STK32B: variants seen among roughly 807,000 people sequenced by gnomAD.
STK32B encodes serine/threonine-protein kinase 32B.
A neutral mutation model predicts 52.6 loss-of-function variants in STK32B; 43 were observed. The ratio of observed to expected loss-of-function variants is 0.82; its 90% confidence interval spans 0.64 to 1.05. STK32B has a LOEUF of 1.05. Ranked by LOEUF, STK32B falls within the 50% of genes least tolerant of loss-of-function variation. STK32B has a pLI of 0.00. For missense variants in STK32B, 621 were observed against 534.6 expected (o/e 1.16, Z -1.59); for synonymous variants, 238 against 204.3 (o/e 1.17, Z -1.41).
chr4:5,348,403 C>T (rs899796481), intron 4 of STK32B, among the ~76,000 whole-genome samples: 1 of 152,200 alleles, frequency 6.6e-6, no homozygotes, highest in African/African-American at 2.4e-5. Flanking sequence ...TAGGGCCCAA[C>T]ACCCCTTGCG....
chr4:5,188,983 G>A (rs989998983), intron 3 of STK32B, among the ~76,000 whole-genome samples: 2 of 151,024 alleles, frequency 1.3e-5, no homozygotes, highest in Non-Finnish European at 2.9e-5. Context: ...TGCACGTTGT[G>A]CACGTGTACC....
intron 4 of STK32B, among the ~76,000 whole-genome samples, chr4:5,349,321 G>T (rs1253892168): frequency 6.6e-6 from 1 of 151,996 alleles, no homozygotes; most frequent in Non-Finnish European, 1.5e-5. Flanking sequence ...CTTCAGCAGA[G>T]CCTCCGTAAA....
rs567987001 is a variant in STK32B at position 5,341,909 on chromosome 4, A to G, written c.434+10516A>G. ...TGTGCACAACCTTCAGGTTTGTTAT[A>G]TATGTATACATGTGCCATGTTGGTG... On this transcript the variant is annotated intron_variant, in intron 4 of 11. Transcript: ENST00000282908. Among the ~76,000 whole-genome samples the G allele has an allele frequency of 2.0e-5, 3 of 152,258 alleles. No individual in the cohort carries two copies. The East Asian group carries it at 5.8e-4, about 29-fold the overall frequency.
At chr4:5,041,754 T>C in the STK32B span, among the ~76,000 whole-genome samples, 1 of 152,026 alleles carries the variant, frequency 6.6e-6, no homozygotes, top group African/African-American at 2.4e-5. Context: ...ACAACAGAAC[T>C]GGATGTGCAA....
At chr4:5,454,933 AT>A (rs1716363284) in intron 7 of STK32B, among the ~76,000 whole-genome samples, 1 of 152,134 alleles carries the variant, frequency 6.6e-6, no homozygotes, top group Admixed American at 6.5e-5. Flanking sequence ...TTGAAGAAAG[AT>A]TTTTTAAGTG....
chr4:5,451,772 C>G (rs148115860), intron 7 of STK32B, among the ~76,000 whole-genome samples: 27 of 152,272 alleles, frequency 1.8e-4, no homozygotes, highest in Admixed American at 7.2e-4. Flanking sequence ...CAAAATGACT[C>G]CAAACATTGC....
intron 3 of STK32B, among the ~76,000 whole-genome samples, chr4:5,269,988 C>T (rs1297568349): frequency 2.0e-5 from 3 of 152,082 alleles, no homozygotes; most frequent in East Asian, 1.9e-4. Flanking sequence ...AGTATATATA[C>T]AAACTGAAAG....
intron 2 of STK32B, among the ~76,000 whole-genome samples, chr4:5,154,729 G>A (rs1717654361): frequency 6.6e-6 from 1 of 152,182 alleles, no homozygotes; most frequent in African/African-American, 2.4e-5. Flanking sequence ...CCTTCTCCAT[G>A]TGACTGAGAT....
chr4:5,193,333 G>A (rs1197681558), intron 3 of STK32B, among the ~76,000 whole-genome samples: 1 of 152,192 alleles, frequency 6.6e-6, no homozygotes, highest in Non-Finnish European at 1.5e-5. Context: ...AAATGTGAAT[G>A]AAAGGGAATG....
Position 5,445,850 on chromosome 4 carries a change from A to G in STK32B, c.563-823A>G, listed in dbSNP as rs533466653. Reference sequence around the variant, plus strand: ...CCCTTCCCCACCCACAGCCCCTAGCAACTTCCAATCTGCTTTCTGTCTTGT... The same window carrying G: ...CCCTTCCCCACCCACAGCCCCTAGCGACTTCCAATCTGCTTTCTGTCTTGT... On this transcript the variant is annotated intron_variant, in intron 6 of 11. Coordinates refer to ENST00000282908, the MANE Select transcript of STK32B (RefSeq NM_018401.3). 6.2e-5 allele frequency among the ~76,000 whole-genome samples: 9 copies of G among 145,986 alleles called. No individual in the cohort carries two copies. In the East Asian group the frequency reaches 1.8e-3, roughly 29 times the overall value.
chr4:5,317,453 A>G lies in STK32B; in HGVS notation c.261-13767A>G, dbSNP rs1243993260. On this transcript the variant is annotated intron_variant, in intron 3 of 11. Coordinates refer to ENST00000282908, the MANE Select transcript of STK32B (RefSeq NM_018401.3). ...TATATATTACATATATACATAATAT[A>G]TATAATATATATGTATAATATATAT... Among the ~76,000 whole-genome samples the G allele has an allele frequency of 7.7e-5, 8 of 103,604 alleles. 1 individual carries two copies. In the East Asian group the frequency reaches 1.5e-3, roughly 20 times the overall value. 68.0% of individuals were successfully genotyped at this position (103,604 alleles called of 152,430 possible).
intron 2 of STK32B, among the ~76,000 whole-genome samples, chr4:5,166,239 T>C (rs1279061020): frequency 6.6e-6 from 1 of 151,902 alleles, no homozygotes; most frequent in African/African-American, 2.4e-5. Flanking sequence ...AAGGCCACAC[T>C]GTGGGTGAAA....
At position 5,058,098 on chromosome 4, in the gene STK32B, AC is replaced by A. The variant is rs1219506654; in HGVS notation, c.52+6186del. On this transcript the variant is annotated intron_variant, in intron 1 of 11. Transcript: ENST00000282908. The surrounding 1 kb of genome is among the most constrained non-coding windows in gnomAD (Gnocchi z 4.8). ...TTGATTTTTGTGACCTCCTTGGAGT[AC>A]CCTTATGCATTGAAGATTTTGGCCT... Among the ~76,000 whole-genome samples, 2 of 152,166 alleles carry A rather than the reference AC, an allele frequency of 1.3e-5. No homozygotes were observed. Among genetic ancestry groups the A allele is most frequent in the African/African-American group, 2.4e-5 (1 of 41,438 alleles).
chr4:5,220,306 G>A (rs1263551738), intron 3 of STK32B, among the ~76,000 whole-genome samples: 1 of 152,212 alleles, frequency 6.6e-6, no homozygotes, highest in Admixed American at 6.5e-5. Context: ...AAGACCAGAA[G>A]GACAGGGTCC....
intron 1 of STK32B, among the ~76,000 whole-genome samples, chr4:5,090,598 C>G (rs560604461): frequency 9.7e-4 from 148 of 152,118 alleles, no homozygotes; most frequent in African/African-American, 3.4e-3. Context: ...CTCCTGACCT[C>G]GTGATCCACC....
At chr4:5,187,775 G>A (rs1233795799) in intron 3 of STK32B, among the ~76,000 whole-genome samples, 1 of 152,216 alleles carries the variant, frequency 6.6e-6, no homozygotes, top group Non-Finnish European at 1.5e-5. Flanking sequence ...GCCGGCTCCC[G>A]CACAACTCTG....
At chr4:5,311,000 A>G (rs1276207354) in intron 3 of STK32B, among the ~76,000 whole-genome samples, 1 of 152,200 alleles carries the variant, frequency 6.6e-6, no homozygotes, top group African/African-American at 2.4e-5. Context: ...TTGATCTCAT[A>G]GAAGTAGAGA....
chr4:5,256,169 C>T (rs1307052715), intron 3 of STK32B, among the ~76,000 whole-genome samples: 1 of 148,602 alleles, frequency 6.7e-6, no homozygotes, highest in African/African-American at 2.6e-5. Context: ...AGAGAGAGGA[C>T]ATGACCTTCC....
chr4:5,168,180 C>T (rs1719036739), intron 2 of STK32B, 119 bp from the exon 3 acceptor site: 8 of 1,339,522 alleles, frequency 6.0e-6, no homozygotes, highest in Non-Finnish European at 8.1e-6. Context: ...GCTCCCCTAG[C>T]AGATTTCAAG....
Sources: gnomAD v4.1 joint callset for allele counts (sites outside exome capture counted in the v4.1 genomes callset) on GRCh38, gnomAD v4.1.1 for gene constraint, Gnocchi (gnomAD v3.1) non-coding constraint, MANE v1.5 for transcripts, NCBI Gene and HGNC (gene_info 2026-07-23, HGNC 2026-07-21) for gene names.